The following DPP9 variants were observed in gnomAD, a reference collection of about 807,000 sequenced individuals.
The protein encoded by DPP9 is dipeptidyl peptidase IV-related protein-2.
In DPP9, 50 loss-of-function variants were observed where a neutral mutation model predicts 110.7. That is an observed-to-expected ratio of 0.45 (90% CI 0.36 to 0.57). The LOEUF is 0.57. Among genes scored for constraint, DPP9 ranks in the 20% least tolerant of loss-of-function variants. DPP9 has a pLI of 0.00. For synonymous variants in DPP9, 561 were observed against 514.4 expected (o/e 1.09, Z -1.23); for missense variants, 1,022 against 1,217.9 (o/e 0.84, Z 2.39).
intron 16 of DPP9, among the ~76,000 whole-genome samples, chr19:4,686,167 A>C (rs1049586409): frequency 3.3e-5 from 5 of 150,352 alleles, no homozygotes; most frequent in Non-Finnish European, 7.4e-5. Context: ...GGCTCACTGC[A>C]ACCTCCGCCT....
At chr19:4,717,343 G>A (rs902869101) in intron 3 of DPP9, among the ~76,000 whole-genome samples, 7 of 152,178 alleles carry the variant, frequency 4.6e-5, no homozygotes, top group Non-Finnish European at 1.0e-4. Flanking sequence ...CAGCGGCTGG[G>A]ACCAGGACCG....
Position 4,695,013 on chromosome 19 carries a change from T to A in DPP9, c.1354-190A>T, listed in dbSNP as rs1211407040. 2 of 630,670 alleles carry A rather than the reference T, an allele frequency of 3.2e-6. No individual in the cohort carries two copies. The highest frequency in any genetic ancestry group is 5.5e-6 in the Non-Finnish European group (2 of 366,044). 39.1% of individuals were successfully genotyped at this position (630,670 alleles called of 1,614,324 possible). On this transcript the variant is annotated intron_variant, in intron 12 of 21. Transcript: ENST00000262960. The surrounding 1 kb of genome is among the most constrained non-coding windows in gnomAD (Gnocchi z 4.7). ...AATAAATAAATAAATTAGCCAGGCA[T>A]GGTGGTGCAGGCTTGTGGTCCTAGC... is the stretch of plus-strand genomic sequence containing the variant.
In DPP9 at chr19:4,705,937, A is replaced by C; in HGVS notation, c.347T>G (p.Leu116Arg). ...GACCTTCTTGGGAATCTCAGAGTAG[A>C]GGAGGGAGTTCTCTCGGCTGCCATA... ...MPYGSRENSLLYSEIPKKVRK... is the reference protein window; with the variant it reads ...MPYGSRENSLRYSEIPKKVRK... Residue 116 changes from leucine to arginine, a missense_variant, in exon 5 of 22, where the codon CTC (leucine) becomes CGC (arginine). Leu to Arg is a moderately radical substitution (Grantham distance 102, BLOSUM62 -2). This residue lies in a region of DPP9 where 810 missense variants were observed against 920.6 expected (regional missense o/e 0.88). Coordinates refer to ENST00000262960, the MANE Select transcript of DPP9 (RefSeq NM_139159.5). 1.2e-6 allele frequency: 2 copies of C among 1,613,910 alleles called. No individual in the cohort carries two copies. Among genetic ancestry groups the C allele is most frequent in the Non-Finnish European group, 1.7e-6 (2 of 1,179,818 alleles).
chr19:4,678,934 C>A (rs972498431), intron 21 of DPP9, among the ~76,000 whole-genome samples: 2 of 152,122 alleles, frequency 1.3e-5, no homozygotes, highest in African/African-American at 4.8e-5. Context: ...GGTCAAATGG[C>A]AAGCCGCCCA....
At chr19:4,686,090 G>A (rs1180424017) in intron 16 of DPP9, 2 of 210,056 alleles carry the variant, frequency 9.5e-6, no homozygotes, top group Non-Finnish European at 1.9e-5. Flanking sequence ...CAATTAGGAT[G>A]GTGGGGGTTT....
rs1196849705 is a variant in DPP9, at chr19:4,710,412, G to A, written c.313+3669C>T. Reference sequence around the variant, plus strand: ...GGGAGAGGCTGATCCGCGTGGGGCGGGAGCGGGGTCGGGAGCGTTTCCCAA... The same window carrying A: ...GGGAGAGGCTGATCCGCGTGGGGCGAGAGCGGGGTCGGGAGCGTTTCCCAA... On this transcript the variant is annotated intron_variant, in intron 4 of 21. Coordinates refer to ENST00000262960, the MANE Select transcript of DPP9 (RefSeq NM_139159.5). This position sits in a 1 kb window ranked among gnomAD's most constrained non-coding sequence, Gnocchi z 5.6. Among the ~76,000 whole-genome samples the A allele has an allele frequency of 6.6e-6, 1 of 152,238 alleles. No homozygotes were observed. Among genetic ancestry groups the A allele is most frequent in the Non-Finnish European group, 1.5e-5 (1 of 68,044 alleles).
chr19:4,719,769 G>A lies in DPP9; in HGVS notation c.56+82C>T, dbSNP rs2093237094. On this transcript the variant is annotated intron_variant, in intron 3 of 21. Transcript: ENST00000262960. ...AAGCCAGGGGAGAGGGAAAGAAGGG[G>A]CCTTCCAGATCTTAGACTGTTGGGG... 1.4e-6 allele frequency: 2 copies of A among 1,476,732 alleles called. 1 individual carries two copies. Among genetic ancestry groups the A allele is most frequent in the Admixed American group, 3.9e-5 (2 of 50,802 alleles). The allele number at this position is 1,476,732 out of a possible 1,614,324, so 91.5% of individuals were successfully genotyped here. A position where few individuals can be genotyped will look rare whatever the true frequency, so the allele number is the denominator to read the frequency against.
chr19:4,681,618 G>A (rs538543502), intron 20 of DPP9, among the ~76,000 whole-genome samples: 101 of 152,196 alleles, frequency 6.6e-4, no homozygotes, highest in African/African-American at 2.4e-3. Context: ...AGGCTAGAGT[G>A]CAGTGGCACG....
chr19:4,717,655 C>T (rs2145967032), intron 3 of DPP9: 1 of 152,326 alleles, frequency 6.6e-6, no homozygotes, highest in Middle Eastern at 3.4e-3. Flanking sequence ...AAAATTCGAT[C>T]CCGGAGATGA....
At chr19:4,706,009 G>A in intron 4 of DPP9, 39 bp from the exon 5 acceptor site, 1 of 1,573,800 alleles carries the variant, frequency 6.4e-7, no homozygotes, top group Non-Finnish European at 8.7e-7. Flanking sequence ...GGGTACCCTG[G>A]CTCAGGATGG....
intron 10 of DPP9, 59 bp from the exon 11 acceptor site, chr19:4,697,710 A>T (rs998966163): frequency 4.1e-5 from 59 of 1,440,442 alleles, no homozygotes; most frequent in Non-Finnish European, 5.7e-5. Flanking sequence ...TGCTCGGAGG[A>T]GAAGGCCACT....
At chr19:4,720,393 C>T (rs1270362779) in intron 2 of DPP9, among the ~76,000 whole-genome samples, 3 of 152,196 alleles carry the variant, frequency 2.0e-5, no homozygotes, top group Admixed American at 6.5e-5. Flanking sequence ...AGCTTCTGCA[C>T]GACGCACCCC....
At chr19:4,683,081 G>A (rs894637434) in intron 19 of DPP9, 15 of 1,488,162 alleles carry the variant, frequency 1.0e-5, no homozygotes, top group Admixed American at 8.3e-5. Flanking sequence ...GCAGAGGGCC[G>A]GGTCCCACTG....
chr19:4,683,152 C>T (rs1182268571), intron 19 of DPP9: 16 of 1,443,842 alleles, frequency 1.1e-5, no homozygotes, highest in African/African-American at 1.5e-5. Context: ...CTGCCGCCGG[C>T]CTGGGGCCCC....
intron 3 of DPP9, chr19:4,716,138 A>T (rs1196674431): frequency 6.6e-6 from 1 of 152,116 alleles, no homozygotes; most frequent in Non-Finnish European, 1.5e-5. Flanking sequence ...AACCCGCGGG[A>T]GTGGACAGCA....
Position 4,682,571 on chromosome 19 carries a change from T to C in DPP9, c.2474+125A>G. 7.1e-7 allele frequency: 1 copy of C among 1,406,132 alleles called. No homozygotes were observed. The highest frequency in any genetic ancestry group is 1.4e-5 in the South Asian group (1 of 73,736). 87.1% of individuals were successfully genotyped at this position (1,406,132 alleles called of 1,614,324 possible). On this transcript the variant is annotated intron_variant, in intron 20 of 21. Transcript: ENST00000262960. The surrounding 1 kb of genome is among the most constrained non-coding windows in gnomAD (Gnocchi z 7.1). ...CACCACAGGAGCACAGCGGGGAGGCTCCACATGGCCTGAGGCTCCCTGGGC... is the reference window on the plus strand; with the variant it reads ...CACCACAGGAGCACAGCGGGGAGGCCCCACATGGCCTGAGGCTCCCTGGGC...
chr19:4,698,789 A>T lies in DPP9; in HGVS notation c.1075-1138T>A, dbSNP rs1300180444. Among the ~76,000 whole-genome samples, 1 of 152,140 alleles carries T rather than the reference A, an allele frequency of 6.6e-6. No individual in the cohort carries two copies. Among genetic ancestry groups the T allele is most frequent in the Non-Finnish European group, 1.5e-5 (1 of 68,024 alleles). The stretch of plus-strand genomic sequence containing the variant: ...CAAGCAAAGCAAAACCCCAGCCTGG[A>T]AGGAGGTTTCACGTGCATCACTGGC... On this transcript the variant is annotated intron_variant, in intron 10 of 21. Transcript: ENST00000262960. The surrounding 1 kb of genome is among the most constrained non-coding windows in gnomAD (Gnocchi z 4.2).
chr19:4,692,989 C>A (rs2091462445), intron 13 of DPP9, among the ~76,000 whole-genome samples: 1 of 152,180 alleles, frequency 6.6e-6, no homozygotes, highest in East Asian at 1.9e-4. Flanking sequence ...GGCTCATTCG[C>A]CCTTCAGCTC....
intron 2 of DPP9, among the ~76,000 whole-genome samples, chr19:4,721,792 A>G (rs2093335002): frequency 6.6e-6 from 1 of 152,176 alleles, no homozygotes; most frequent in Admixed American, 6.5e-5. Context: ...ACAAAAGAAG[A>G]GAGGGAAGCA....
Sources: allele counts gnomAD v4.1 joint callset (sites outside exome capture counted in the v4.1 genomes callset), GRCh38; gene constraint gnomAD v4.1.1; regional missense constraint gnomAD v4.1.1; non-coding constraint Gnocchi (gnomAD v3.1); transcripts MANE v1.5; gene names NCBI Gene and HGNC (gene_info 2026-07-23, HGNC 2026-07-21).